The following CEP83 variants were observed in gnomAD, a reference collection of about 807,000 sequenced individuals.
The protein encoded by CEP83 is centrosomal protein 83.
A neutral mutation model predicts 101.9 loss-of-function variants in CEP83; 70 were observed. The ratio of observed to expected loss-of-function variants is 0.69; its 90% CI spans 0.57 to 0.84. CEP83 has a LOEUF of 0.84. Ranked by LOEUF, CEP83 falls within the 40% of genes least tolerant of loss-of-function variation. The pLI is 0.00. For synonymous variants in CEP83, 264 were observed against 267.9 expected (o/e 0.99, Z 0.14); for missense variants, 715 against 787.2 (o/e 0.91, Z 1.10).
chr12:94,347,362 A>T (rs1488462865), intron 11 of CEP83, among the ~76,000 whole-genome samples: 1 of 152,192 alleles, frequency 6.6e-6, no homozygotes, highest in African/African-American at 2.4e-5. Flanking sequence ...GACATGTTAC[A>T]ACATATCCAA....
At position 94,403,189 on chromosome 12, in the gene CEP83, C is replaced by G. The variant is rs1025097456; in HGVS notation, c.398G>C (p.Arg133Pro). 1.9e-6 allele frequency: 3 copies of G among 1,565,932 alleles called. No homozygotes were observed. Among genetic ancestry groups the G allele is most frequent in the Non-Finnish European group, 2.6e-6 (3 of 1,137,564 alleles). ...QQELETPMRERFRNLDEEVEK... is the reference protein window; with the variant it reads ...QQELETPMREPFRNLDEEVEK... ...ACTTACTTCATCTAGATTCCTAAAA[C>G]GTTCTCTCATTGGAGTTTCTAATTC... is the stretch of plus-strand genomic sequence containing the variant. Residue 133 changes from arginine (R) to proline (P), a missense_variant, in exon 5 of 17, where the codon CGT becomes CCT. Physicochemically the swap from Arg to Pro is moderately radical, Grantham distance 103. Transcript: ENST00000397809.
At chr12:94,316,907 G>A (rs1970791936) in intron 14 of CEP83, among the ~76,000 whole-genome samples, 1 of 152,124 alleles carries the variant, frequency 6.6e-6, no homozygotes, top group African/African-American at 2.4e-5. Flanking sequence ...CTTTATGGCA[G>A]AAAGATTTAT....
chr12:94,387,347 C>T (rs559243013), intron 6 of CEP83, among the ~76,000 whole-genome samples: 31 of 152,230 alleles, frequency 2.0e-4, no homozygotes, highest in African/African-American at 6.0e-4. Context: ...GTGGTGTGAA[C>T]CCTATTGCGA....
At chr12:94,455,330 T>A (rs1159025895) in intron 1 of CEP83, among the ~76,000 whole-genome samples, 2 of 152,184 alleles carry the variant, frequency 1.3e-5, no homozygotes, top group African/African-American at 4.8e-5. Flanking sequence ...TGCAACTTCA[T>A]CAGGAAAATC....
downstream of CEP83, chr12:94,303,730 T>G: frequency 4.5e-6 from 6 of 1,333,902 alleles, no homozygotes; most frequent in Non-Finnish European, 5.0e-6. Context: ...TGGTGATGGT[T>G]GCTTTTTTTT....
chr12:94,448,806 T>A (rs1015071398), intron 1 of CEP83, among the ~76,000 whole-genome samples: 2 of 151,984 alleles, frequency 1.3e-5, no homozygotes, highest in African/African-American at 4.8e-5. Context: ...ATGTATAGTT[T>A]TAAACATTTA....
At chr12:94,349,262 G>A (rs1229706864) in intron 11 of CEP83, among the ~76,000 whole-genome samples, 1 of 147,530 alleles carries the variant, frequency 6.8e-6, no homozygotes, top group Non-Finnish European at 1.5e-5. Flanking sequence ...TCCAGCCTGG[G>A]TGACAAGAGC....
the CEP83 span, among the ~76,000 whole-genome samples, chr12:94,269,247 C>T: frequency 5.9e-5 from 9 of 152,134 alleles, no homozygotes; most frequent in East Asian, 1.2e-3. Flanking sequence ...AAAACTGTTC[C>T]GACAAAAATA....
At chr12:94,347,091 ACAT>A (rs918546648) in intron 11 of CEP83, among the ~76,000 whole-genome samples, 7 of 150,648 alleles carry the variant, frequency 4.6e-5, no homozygotes, top group African/African-American at 1.7e-4. Flanking sequence ...ACACACACAC[ACAT>A]ACACACACAC....
At chr12:94,283,156 A>G in the CEP83 span, among the ~76,000 whole-genome samples, 3 of 117,006 alleles carry the variant, frequency 2.6e-5, no homozygotes, top group Admixed American at 1.6e-4. Flanking sequence ...AAGGAGTGCA[A>G]AAAAGGACGG....
At chr12:94,363,619 A>C (rs991828060) in intron 11 of CEP83, among the ~76,000 whole-genome samples, 16 of 152,148 alleles carry the variant, frequency 1.1e-4, no homozygotes, top group African/African-American at 3.9e-4. Flanking sequence ...AATATAGTAT[A>C]TATGTAGAAC....
intron 6 of CEP83, among the ~76,000 whole-genome samples, chr12:94,392,105 T>TACAGG (rs1356806320): frequency 2.6e-5 from 4 of 152,152 alleles, no homozygotes; most frequent in African/African-American, 9.7e-5. Context: ...AACAAAGATA[T>TACAGG]ACAGGACTTG....
chr12:94,442,420 C>G (rs1270068161), intron 1 of CEP83, among the ~76,000 whole-genome samples: 1 of 152,124 alleles, frequency 6.6e-6, no homozygotes, highest in Admixed American at 6.5e-5. Context: ...GCAGTGTACA[C>G]TGCTCAAGTG....
intron 1 of CEP83, among the ~76,000 whole-genome samples, chr12:94,447,748 T>C (rs980710430): frequency 3.3e-5 from 5 of 152,102 alleles, no homozygotes; most frequent in Admixed American, 3.3e-4. Context: ...AAAGTTTCTA[T>C]AATTTATCAG....
At chr12:94,320,107 G>A (rs549442595) in intron 14 of CEP83, among the ~76,000 whole-genome samples, 15 of 151,732 alleles carry the variant, frequency 9.9e-5, no homozygotes, top group East Asian at 5.8e-4. Flanking sequence ...ATGTAAACCC[G>A]TGTCTTTTTT....
Position 94,373,715 on chromosome 12 carries a change from A to G in CEP83, c.933+2171T>C, listed in dbSNP as rs201748373. ...ATCTTTGGTAATACCTTTTAATCCA[A>G]GACACTGATACTCACACTGACATAA... On this transcript the variant is annotated intron_variant, in intron 8 of 16. Coordinates refer to ENST00000397809, the MANE Select transcript of CEP83 (RefSeq NM_016122.3). Among the ~76,000 whole-genome samples, 9 of 152,318 alleles carry G rather than the reference A, an allele frequency of 5.9e-5. No homozygotes were observed. The East Asian group carries it at 1.7e-3, about 29-fold the overall frequency.
intron 2 of CEP83, among the ~76,000 whole-genome samples, chr12:94,432,529 A>T (rs995758795): frequency 6.6e-6 from 1 of 152,156 alleles, no homozygotes. Context: ...CTCATGTGGG[A>T]GCTTAAAAAA....
chr12:94,297,481 G>T, the CEP83 span: 1 of 1,187,598 alleles, frequency 8.4e-7, no homozygotes, highest in South Asian at 1.3e-5. Context: ...TGATATGTTT[G>T]ACTTAATTTC....
At chr12:94,388,136 A>C (rs1334326285) in intron 6 of CEP83, among the ~76,000 whole-genome samples, 2 of 152,266 alleles carry the variant, frequency 1.3e-5, no homozygotes, top group African/African-American at 4.8e-5. Flanking sequence ...TCATATGTTC[A>C]TCACAGCACT....
Sources: allele counts gnomAD v4.1 joint callset (sites outside exome capture counted in the v4.1 genomes callset), GRCh38; gene constraint gnomAD v4.1.1; transcripts MANE v1.5; gene names NCBI Gene and HGNC (gene_info 2026-07-23, HGNC 2026-07-21).